The following WDR70 variants were observed in gnomAD, a reference collection of about 807,000 sequenced individuals.
WDR70 encodes WD repeat-containing protein 70.
Under a neutral mutation model 88.6 loss-of-function variants are expected in WDR70, and 53 were observed. The ratio of observed to expected loss-of-function variants is 0.60; its 90% CI spans 0.48 to 0.75. WDR70 has a LOEUF of 0.75. Among genes scored for constraint, WDR70 ranks in the 30% least tolerant of loss-of-function variants. WDR70 has a pLI of 0.00. For missense variants in WDR70, 610 were observed against 823.2 expected, an observed-to-expected ratio of 0.74 and a Z score of 3.17; for synonymous variants, 280 against 270.0, an observed-to-expected ratio of 1.04 and a Z score of -0.36.
intron 17 of WDR70, among the ~76,000 whole-genome samples, chr5:37,728,057 T>C (rs1447158019): frequency 6.6e-6 from 1 of 152,070 alleles, no homozygotes; most frequent in East Asian, 1.9e-4. Context: ...AGTATAATAC[T>C]ATTAACTAGC....
chr5:37,525,689 G>A (rs1218914782), intron 9 of WDR70, among the ~76,000 whole-genome samples: 1 of 152,146 alleles, frequency 6.6e-6, no homozygotes, highest in Non-Finnish European at 1.5e-5. Context: ...AGTGAATCCA[G>A]GAGCTGGTTT....
In WDR70 at chr5:37,605,328, T is replaced by C. The variant is rs77863344; in HGVS notation, c.1092+90T>C. ...CAAAGACAAACGTGTTAAAGTATTA[T>C]GAAGGTGAATTTCCTGAATTTAGAC... is the stretch of plus-strand genomic sequence containing the variant. On this transcript the variant is annotated intron_variant, in intron 10 of 17. Transcript: ENST00000265107. 17,955 of 1,367,022 alleles carry C rather than the reference T, an allele frequency of 0.013. 980 individuals are homozygous for C. The African/African-American group carries it at 0.16, about 12-fold the overall frequency. 84.7% of individuals were successfully genotyped at this position (1,367,022 alleles called of 1,614,324 possible).
chr5:37,601,449 T>C (rs1743879136), intron 9 of WDR70, among the ~76,000 whole-genome samples: 1 of 152,250 alleles, frequency 6.6e-6, no homozygotes, highest in Admixed American at 6.5e-5. Flanking sequence ...GATTCTTGCA[T>C]CTATGTTCAC....
Position 37,381,733 on chromosome 5 carries a change from T to C in WDR70, c.175+48T>C, listed in dbSNP as rs759973305. ...CTTTTATTGGTTTAAGTACTATGTA[T>C]ACCTCATGCAAGTATATTAAAAAAG... On this transcript the variant is annotated intron_variant, in intron 3 of 17. Coordinates refer to ENST00000265107, the MANE Select transcript of WDR70 (RefSeq NM_018034.4). 1.8e-5 allele frequency: 28 copies of C among 1,555,942 alleles called. No individual in the cohort carries two copies. In the East Asian group the frequency reaches 3.7e-4, roughly 21 times the overall value.
chr5:37,697,650 A>G lies in WDR70; in HGVS notation c.1093-5A>G, dbSNP rs111952251. On this transcript the variant is annotated splice_polypyrimidine_tract_variant and splice_region_variant and intron_variant, in intron 10 of 17. Coordinates refer to ENST00000265107, the MANE Select transcript of WDR70 (RefSeq NM_018034.4). ...TATTAACACTTTGTTTGTCTTTGTG[A>G]ATAGGTTCATCCTAAGTTCCACTAT... 1 of 1,612,842 alleles carries G rather than the reference A, an allele frequency of 6.2e-7. No homozygotes were observed. The highest frequency in any genetic ancestry group is 1.3e-5 in the African/African-American group (1 of 74,874).
intron 10 of WDR70, among the ~76,000 whole-genome samples, chr5:37,655,481 C>T (rs905683967): frequency 1.3e-5 from 2 of 152,116 alleles, no homozygotes; most frequent in African/African-American, 2.4e-5. Context: ...GAATGATGGC[C>T]TCTCTTGCCA....
chr5:37,483,732 C>A (rs576335641), intron 8 of WDR70, among the ~76,000 whole-genome samples: 2 of 150,090 alleles, frequency 1.3e-5, no homozygotes, highest in Non-Finnish European at 1.5e-5. Context: ...AGGAGGTGCC[C>A]CCCACCTCCC....
chr5:37,394,664 TGAG>T (rs1052104462), intron 4 of WDR70, among the ~76,000 whole-genome samples: 1 of 152,158 alleles, frequency 6.6e-6, no homozygotes, highest in Non-Finnish European at 1.5e-5. Flanking sequence ...TAGACTTCTT[TGAG>T]GAGGAGACAT....
chr5:37,748,160 A>T (rs1748688818), intron 17 of WDR70, among the ~76,000 whole-genome samples: 1 of 152,238 alleles, frequency 6.6e-6, no homozygotes, highest in Non-Finnish European at 1.5e-5. Context: ...TATGGAATCA[A>T]AGAAGAACCC....
At chr5:37,584,996 A>G (rs893788215) in intron 9 of WDR70, among the ~76,000 whole-genome samples, 3 of 111,116 alleles carry the variant, frequency 2.7e-5, no homozygotes, top group African/African-American at 8.2e-5. Context: ...ATCTTTGTCC[A>G]CTTTTTTTTT....
intron 9 of WDR70, among the ~76,000 whole-genome samples, chr5:37,532,918 A>G (rs935146502): frequency 1.4e-4 from 22 of 152,174 alleles, no homozygotes; most frequent in African/African-American, 5.3e-4. Flanking sequence ...CTGGGATTCA[A>G]GGTGGCTGTT....
chr5:37,509,449 A>T (rs890765035), intron 8 of WDR70, among the ~76,000 whole-genome samples: 3 of 151,680 alleles, frequency 2.0e-5, no homozygotes, highest in Non-Finnish European at 2.9e-5. Flanking sequence ...AAAAAAAAAA[A>T]TTCTGGCCTC....
intron 10 of WDR70, chr5:37,687,834 G>T: frequency 1.8e-6 from 1 of 566,412 alleles, no homozygotes; most frequent in Admixed American, 2.4e-5. Flanking sequence ...TCCCACTCAG[G>T]GTAGTGAAAA....
At chr5:37,447,704 G>A (rs528048653) in intron 7 of WDR70, among the ~76,000 whole-genome samples, 1 of 152,192 alleles carries the variant, frequency 6.6e-6, no homozygotes, top group African/African-American at 2.4e-5. Flanking sequence ...ACCAAACACC[G>A]CATGTTCTCA....
chr5:37,537,992 C>G (rs1442704851), intron 9 of WDR70, among the ~76,000 whole-genome samples: 1 of 152,130 alleles, frequency 6.6e-6, no homozygotes, highest in African/African-American at 2.4e-5. Flanking sequence ...CTCTATATTT[C>G]TTAGAGAATC....
intron 3 of WDR70, among the ~76,000 whole-genome samples, chr5:37,385,896 C>T (rs1325619337): frequency 7.9e-5 from 12 of 151,972 alleles, no homozygotes; most frequent in East Asian, 7.7e-4. Context: ...CTCCGCCTCC[C>T]GGGTTCACGC....
chr5:37,750,325 G>A (rs990981942), intron 17 of WDR70, among the ~76,000 whole-genome samples: 17 of 152,126 alleles, frequency 1.1e-4, no homozygotes, highest in Non-Finnish European at 1.8e-4. Flanking sequence ...CTTGAGGCCA[G>A]GCACTTGAGA....
chr5:37,585,200 C>G (rs553468479), intron 9 of WDR70, among the ~76,000 whole-genome samples: 1 of 151,996 alleles, frequency 6.6e-6, no homozygotes, highest in Non-Finnish European at 1.5e-5. Flanking sequence ...TTATGTTGGC[C>G]AGGCTGGTCT....
intron 8 of WDR70, among the ~76,000 whole-genome samples, chr5:37,504,269 C>T (rs1360103493): frequency 4.6e-5 from 7 of 151,434 alleles, no homozygotes; most frequent in Non-Finnish European, 1.0e-4. Context: ...TATTTTGGGG[C>T]TTTCCCTTGT....
Sources: gnomAD v4.1 joint callset for allele counts (sites outside exome capture counted in the v4.1 genomes callset) on GRCh38, gnomAD v4.1.1 for gene constraint, MANE v1.5 for transcripts, NCBI Gene and HGNC (gene_info 2026-07-23, HGNC 2026-07-21) for gene names.